Variants in EML5 observed in about 807,000 individuals in gnomAD.
EML5 encodes the protein EMAP like 5, also known as echinoderm microtubule-associated protein-like 5.
A neutral mutation model predicts 250.0 loss-of-function variants in EML5; 120 were observed. The ratio of observed to expected loss-of-function variants is 0.48; its 90% CI spans 0.41 to 0.56. The LOEUF (loss-of-function observed/expected upper bound fraction) is 0.56, where lower values mean the gene tolerates loss of function less well. Ranked by LOEUF, EML5 falls within the 20% of genes least tolerant of loss-of-function variation. EML5 has a pLI of 0.00. For synonymous variants in EML5, 771 were observed against 806.5 expected, an observed-to-expected ratio of 0.96 and a Z score of 0.75; for missense variants, 2,006 against 2,437.6, an observed-to-expected ratio of 0.82 and a Z score of 3.73.
At chr14:88,768,258 C>T (rs2094345488) in intron 1 of EML5, among the ~76,000 whole-genome samples, 1 of 152,164 alleles carries the variant, frequency 6.6e-6, no homozygotes, top group South Asian at 2.1e-4. Flanking sequence ...AAAGATACTA[C>T]AAAGTTTTTC....
At chr14:88,776,540 C>T (rs1174194379) in intron 1 of EML5, among the ~76,000 whole-genome samples, 1 of 151,818 alleles carries the variant, frequency 6.6e-6, no homozygotes, top group Non-Finnish European at 1.5e-5. Flanking sequence ...ATTAGTGAGT[C>T]TGAAGACAGG....
At chr14:88,754,977 G>GT (rs2094141815) in intron 1 of EML5, among the ~76,000 whole-genome samples, 1 of 151,768 alleles carries the variant, frequency 6.6e-6, no homozygotes. Flanking sequence ...GCTAATTTTT[G>GT]TATTTTTAGT....
In EML5 at chr14:88,746,084, C is replaced by T. The variant is rs182481272; in HGVS notation, c.456+101G>A. The T allele has an allele frequency of 1.1e-3, 946 of 876,178 alleles. 11 individuals are homozygous for T. The African/African-American group carries it at 0.015, about 14-fold the overall frequency. 54.3% of individuals were successfully genotyped at this position (876,178 alleles called of 1,614,324 possible). On this transcript the variant is annotated intron_variant, in intron 3 of 43. Transcript: ENST00000554922. ...TTGTAAAATTTTAATTACATATGAC[C>T]TATCTGGCAATAACAAAATACAGAA...
chr14:88,625,259 G>A (rs1595242464), intron 35 of EML5, 132 bp from the exon 36 acceptor site: 3 of 1,061,830 alleles, frequency 2.8e-6, no homozygotes, highest in Admixed American at 2.9e-5. Flanking sequence ...AGTGGCAGCA[G>A]CACTGAATTC....
intron 1 of EML5, among the ~76,000 whole-genome samples, chr14:88,764,424 C>T (rs1042186235): frequency 9.2e-5 from 14 of 152,250 alleles, no homozygotes; most frequent in South Asian, 2.1e-4. Context: ...ATCCCTTATT[C>T]TCCTTTTAAC....
chr14:88,752,833 A>T (rs1285875258), intron 2 of EML5, among the ~76,000 whole-genome samples: 1 of 152,214 alleles, frequency 6.6e-6, no homozygotes, highest in Non-Finnish European at 1.5e-5. Flanking sequence ...AGGAGAGAAG[A>T]GAAGTGTCTG....
In EML5 at chr14:88,615,631, G is replaced by A. The variant is rs946882440; in HGVS notation, c.*187C>T. ...CATTATCTGGCAGTGTATGGATTAC[G>A]GATTATACCCAGTGCATATAGCAAA... On this transcript the variant is annotated 3_prime_UTR_variant, in exon 44 of 44. Transcript: ENST00000554922. 3.9e-5 allele frequency: 22 copies of A among 567,026 alleles called. No homozygotes were observed. Among genetic ancestry groups the A allele is most frequent in the East Asian group, 2.9e-4 (10 of 33,944 alleles). The allele number at this position is 567,026 out of a possible 1,614,324, so 35.1% of individuals were successfully genotyped here. A position where few individuals can be genotyped will look rare whatever the true frequency, so the allele number is the denominator to read the frequency against.
chr14:88,752,373 T>G (rs1431010465), intron 2 of EML5, among the ~76,000 whole-genome samples: 1 of 152,224 alleles, frequency 6.6e-6, no homozygotes, highest in Non-Finnish European at 1.5e-5. Context: ...GTTTGTTTTA[T>G]AACATTTTAT....
chr14:88,659,663 T>C (rs761678123), intron 25 of EML5, among the ~76,000 whole-genome samples: 14 of 152,204 alleles, frequency 9.2e-5, no homozygotes, highest in South Asian at 2.1e-4. Flanking sequence ...TCCTAAGGGA[T>C]CTACACCATC....
intron 14 of EML5, among the ~76,000 whole-genome samples, chr14:88,698,914 G>A (rs976227623): frequency 5.3e-5 from 8 of 152,114 alleles, no homozygotes; most frequent in Non-Finnish European, 1.2e-4. Context: ...ACAACTCTAC[G>A]AGATGGGAAC....
chr14:88,661,275 G>A (rs1205794227), intron 25 of EML5, among the ~76,000 whole-genome samples: 1 of 152,144 alleles, frequency 6.6e-6, no homozygotes, highest in Non-Finnish European at 1.5e-5. Context: ...CTGTTTTGTA[G>A]AGAGGAAGTC....
At chr14:88,627,322 GA>G in intron 34 of EML5, 1 of 469,576 alleles carries the variant, frequency 2.1e-6, no homozygotes, top group African/African-American at 1.9e-5. Flanking sequence ...ATTATCATTA[GA>G]AATATACATA....
intron 21 of EML5, among the ~76,000 whole-genome samples, chr14:88,673,212 G>A (rs2092513347): frequency 6.6e-6 from 1 of 152,176 alleles, no homozygotes; most frequent in African/African-American, 2.4e-5. Context: ...TTCATCCCCA[G>A]GATGCTAGGC....
At chr14:88,720,584 A>C (rs1230804057) in intron 8 of EML5, among the ~76,000 whole-genome samples, 3 of 152,216 alleles carry the variant, frequency 2.0e-5, no homozygotes, top group African/African-American at 7.2e-5. Context: ...GCATCCTTTC[A>C]TGTTGAAACC....
chr14:88,682,085 A>T (rs1395979827), intron 20 of EML5, 54 bp from the exon 21 acceptor site: 8 of 1,419,064 alleles, frequency 5.6e-6, no homozygotes, highest in Non-Finnish European at 7.4e-6. Flanking sequence ...ATTTATACAC[A>T]GTTTTATTTA....
At chr14:88,671,141 T>A (rs1367473776) in intron 21 of EML5, among the ~76,000 whole-genome samples, 2 of 151,844 alleles carry the variant, frequency 1.3e-5, no homozygotes, top group Admixed American at 6.6e-5. Context: ...AGGAAAAAAA[T>A]GTTAAGGGCA....
At chr14:88,632,762 C>G (rs1442305612) in intron 33 of EML5, among the ~76,000 whole-genome samples, 2 of 152,190 alleles carry the variant, frequency 1.3e-5, no homozygotes, top group Non-Finnish European at 2.9e-5. Flanking sequence ...CACTTGCTTT[C>G]TTCAGGGCGT....
chr14:88,729,891 A>C, intron 7 of EML5, among the ~76,000 whole-genome samples: 1 of 140,050 alleles, frequency 7.1e-6, no homozygotes. Flanking sequence ...TTGTTTTTTT[A>C]ATGTATTGTC....
At chr14:88,740,348 A>G (rs1453094162) in intron 5 of EML5, 39 bp downstream of exon 5, 1 of 1,527,962 alleles carries the variant, frequency 6.5e-7, no homozygotes, top group Non-Finnish European at 8.9e-7. Context: ...AGGTTAAGTA[A>G]TACACATGAA....
Sources: allele counts gnomAD v4.1 joint callset (sites outside exome capture counted in the v4.1 genomes callset), GRCh38; gene constraint gnomAD v4.1.1; transcripts MANE v1.5; gene names NCBI Gene and HGNC (gene_info 2026-07-23, HGNC 2026-07-21).